Variants in PRKD3 observed in about 807,000 individuals in gnomAD.
PRKD3 encodes serine/threonine-protein kinase D3.
Under a neutral mutation model 99.2 loss-of-function variants are expected in PRKD3, and 47 were observed. The observed-to-expected ratio is 0.47, with a 90% confidence interval of 0.38 to 0.60. The LOEUF is 0.60. Among genes scored for constraint, PRKD3 ranks in the 20% least tolerant of loss-of-function variants. The pLI is 0.00. For synonymous variants in PRKD3, 392 were observed against 355.4 expected (o/e 1.10, Z -1.16); for missense variants, 1,019 against 1,088.4 (o/e 0.94, Z 0.90).
At chr2:37,287,843 G>T (rs752140914) in intron 5 of PRKD3, among the ~76,000 whole-genome samples, 1 of 152,130 alleles carries the variant, frequency 6.6e-6, no homozygotes, top group Non-Finnish European at 1.5e-5. Context: ...TTTAATTCAT[G>T]CCTTCTTTAA....
intron 1 of PRKD3, chr2:37,317,675 A>G (rs1186353378): frequency 6.6e-6 from 1 of 152,200 alleles, no homozygotes; most frequent in East Asian, 1.9e-4. Context: ...TTGTTGAAAC[A>G]TTCCTTTCAG....
At chr2:37,280,871 C>A (rs988121001) in intron 7 of PRKD3, among the ~76,000 whole-genome samples, 1 of 152,116 alleles carries the variant, frequency 6.6e-6, no homozygotes, top group Admixed American at 6.5e-5. Context: ...AGATAAGGGA[C>A]TAGTATCCAG....
chr2:37,298,851 A>T (rs1175271909), intron 2 of PRKD3, among the ~76,000 whole-genome samples: 2 of 152,312 alleles, frequency 1.3e-5, no homozygotes, highest in South Asian at 2.1e-4. Context: ...TTCTAAATAG[A>T]AGATCATATC....
intron 1 of PRKD3, among the ~76,000 whole-genome samples, chr2:37,320,016 TA>T (rs1198733385): frequency 6.6e-6 from 1 of 152,184 alleles, no homozygotes; most frequent in Admixed American, 6.5e-5. Context: ...AAGTGCTCAG[TA>T]AGTTTTAGCA....
At chr2:37,264,076 C>T (rs1029818593) in intron 14 of PRKD3, among the ~76,000 whole-genome samples, 3 of 152,134 alleles carry the variant, frequency 2.0e-5, no homozygotes, top group Non-Finnish European at 2.9e-5. Flanking sequence ...TTTACATTAC[C>T]ACATAATCTA....
intron 11 of PRKD3, 23 bp from the exon 12 acceptor site, chr2:37,272,455 A>T: frequency 1.3e-6 from 2 of 1,590,496 alleles, no homozygotes; most frequent in Non-Finnish European, 8.5e-7. Flanking sequence ...AAAAAGACAA[A>T]ATTTAGTATA....
intron 14 of PRKD3, among the ~76,000 whole-genome samples, chr2:37,265,536 T>C (rs991441209): frequency 6.6e-6 from 1 of 151,904 alleles, no homozygotes. Context: ...GTCAGTCCAA[T>C]GATGTAAAGT....
At chr2:37,316,176 T>C (rs1046732022) in intron 2 of PRKD3, 61 bp downstream of exon 2, 16 of 1,469,832 alleles carry the variant, frequency 1.1e-5, no homozygotes, top group Non-Finnish European at 1.5e-5. Flanking sequence ...GGTACACGTA[T>C]AATTTATAGA....
Position 37,316,454 on chromosome 2 carries a change from G to T in PRKD3, c.71C>A (p.Pro24Gln). The T allele has an allele frequency of 6.2e-7, 1 of 1,614,240 alleles. No individual in the cohort carries two copies. The highest frequency in any genetic ancestry group is 2.2e-5 in the East Asian group (1 of 44,890). ...AGGACTTGAACACGGAGAAGCAGCT[G>T]GAAGCACAGCAGGAATAGCTGTGGG... Reference protein sequence around the residue: ...VLPTAIPAVLPAASPCSSPKT... With the variant: ...VLPTAIPAVLQAASPCSSPKT... Residue 24 changes from proline (P) to glutamine (Q), a missense_variant, in exon 2 of 19, where the codon CCA (proline) becomes CAA (glutamine). Around this residue, in one of 3 missense-constraint regions of PRKD3, gnomAD observed 710 missense variants for 692.7 expected, o/e 1.02. Coordinates refer to ENST00000234179, the MANE Select transcript of PRKD3 (RefSeq NM_005813.6).
At chr2:37,281,510 C>A (rs1572657946) in intron 7 of PRKD3, among the ~76,000 whole-genome samples, 2 of 152,050 alleles carry the variant, frequency 1.3e-5, no homozygotes, top group East Asian at 1.9e-4. Flanking sequence ...TAAAATATGT[C>A]CACAGGAGTT....
At chr2:37,291,685 C>A (rs1307934517) in intron 3 of PRKD3, among the ~76,000 whole-genome samples, 1 of 152,044 alleles carries the variant, frequency 6.6e-6, no homozygotes, top group Non-Finnish European at 1.5e-5. Context: ...GATGAATGAT[C>A]AGTGTAGCAG....
At chr2:37,274,205 C>T (rs1669443447) in intron 11 of PRKD3, among the ~76,000 whole-genome samples, 3 of 152,144 alleles carry the variant, frequency 2.0e-5, no homozygotes, top group Admixed American at 2.0e-4. Flanking sequence ...GGAAAACTGA[C>T]TCTGGAGCCT....
At position 37,317,155 on chromosome 2, in the gene PRKD3, T is replaced by C. The variant is rs1671701841; in HGVS notation, c.-631A>G. 1.0e-6 allele frequency: 1 copy of C among 984,644 alleles called. No homozygotes were observed. Among genetic ancestry groups the C allele is most frequent in the African/African-American group, 1.7e-5 (1 of 57,228 alleles). The allele number at this position is 984,644 out of a possible 1,614,324, so 61.0% of individuals were successfully genotyped here. On this transcript the variant is annotated 5_prime_UTR_variant, in exon 2 of 19. Transcript: ENST00000234179. ...GATGAATGGGTCCATCGAGAAAAGC[T>C]GATGCTTTCTGACATATAGTTAGCC...
intron 2 of PRKD3, 113 bp downstream of exon 2, chr2:37,316,124 C>A: frequency 8.7e-7 from 1 of 1,151,396 alleles, no homozygotes; most frequent in Non-Finnish European, 1.2e-6. Flanking sequence ...TCCAAAAATG[C>A]ACAGAATAAA....
At chr2:37,282,451 A>G (rs565747455) in intron 7 of PRKD3, 91 bp downstream of exon 7, 2 of 844,762 alleles carry the variant, frequency 2.4e-6, no homozygotes, top group Non-Finnish European at 3.9e-6. Flanking sequence ...AACAAAATAA[A>G]TCAGGAAAAC....
chr2:37,255,732 G>A (rs1572600692), intron 17 of PRKD3, among the ~76,000 whole-genome samples: 1 of 152,362 alleles, frequency 6.6e-6, no homozygotes, highest in Non-Finnish European at 1.5e-5. Flanking sequence ...GGGGCTGGGT[G>A]CAGTGGCTCA....
chr2:37,308,402 T>C lies in PRKD3; in HGVS notation c.288+7835A>G, dbSNP rs1282890333. 2.6e-5 allele frequency among the ~76,000 whole-genome samples: 4 copies of C among 152,184 alleles called. No homozygotes were observed. In the East Asian group the frequency reaches 7.7e-4, roughly 29 times the overall value. ...TTCTTTTGAGTTTCCACATTTCACC[T>C]TTAATCACTGAAATTTACCTTGGTG... On this transcript the variant is annotated intron_variant, in intron 2 of 18. Coordinates refer to ENST00000234179, the MANE Select transcript of PRKD3 (RefSeq NM_005813.6).
rs147438517 is a variant in PRKD3, at chr2:37,251,285, G to C, written c.*1892C>G. The C allele has an allele frequency of 6.6e-6, 1 of 152,640 alleles. No individual in the cohort carries two copies. Among genetic ancestry groups the C allele is most frequent in the East Asian group, 1.9e-4 (1 of 5,190 alleles). 9.5% of individuals were successfully genotyped at this position (152,640 alleles called of 1,614,324 possible). A position where few individuals can be genotyped will look rare whatever the true frequency, so the allele number is the denominator to read the frequency against. ...TACCAAGAGGGGAATGTTTCCTGGAGGTATTTATGGGTAGATAGTACAGCA... is the reference window on the plus strand; with the variant it reads ...TACCAAGAGGGGAATGTTTCCTGGACGTATTTATGGGTAGATAGTACAGCA... On this transcript the variant is annotated 3_prime_UTR_variant, in exon 19 of 19. Transcript: ENST00000234179.
intron 9 of PRKD3, among the ~76,000 whole-genome samples, chr2:37,276,809 C>T (rs1240327627): frequency 2.2e-5 from 3 of 133,964 alleles, no homozygotes; most frequent in East Asian, 2.6e-4. Context: ...CACACACATA[C>T]ACATATATAT....
Sources: gnomAD v4.1 joint callset for allele counts (sites outside exome capture counted in the v4.1 genomes callset) on GRCh38, gnomAD v4.1.1 for gene constraint, gnomAD v4.1.1 regional missense constraint, MANE v1.5 for transcripts, NCBI Gene and HGNC (gene_info 2026-07-23, HGNC 2026-07-21) for gene names.